The following MYO5B variants were observed in gnomAD, a reference collection of about 807,000 sequenced individuals.
MYO5B encodes the protein myosin VB, also known as unconventional myosin-Vb.
In MYO5B, 143 loss-of-function variants were observed where a neutral mutation model predicts 229.3. The observed-to-expected ratio is 0.62, with a 90% CI of 0.54 to 0.72. MYO5B has a LOEUF of 0.72. Ranked by LOEUF, MYO5B falls within the 30% of genes least tolerant of loss-of-function variation. The pLI, the probability that MYO5B is intolerant of heterozygous loss-of-function variation, is 0.00. For missense variants in MYO5B, 2,321 were observed against 2,331.0 expected, an observed-to-expected ratio of 1.00 and a Z score of 0.09; for synonymous variants, 918 against 885.2, an observed-to-expected ratio of 1.04 and a Z score of -0.66.
At chr18:49,838,976 T>G (rs991235205) in intron 36 of MYO5B, among the ~76,000 whole-genome samples, 168 bp downstream of exon 36, 1 of 152,234 alleles carries the variant, frequency 6.6e-6, no homozygotes, top group Non-Finnish European at 1.5e-5. Context: ...TTTCACAGCT[T>G]TTTAAGCATG....
chr18:49,839,163 G>T lies in MYO5B; in HGVS notation c.4833C>A (p.Gly1611=). The change falls in exon 36 of 40, where the codon GGC becomes GGA. Residue 1611 remains glycine (G), a synonymous_variant. Coordinates refer to ENST00000285039, the MANE Select transcript of MYO5B (RefSeq NM_001080467.3). The stretch of plus-strand genomic sequence containing the variant: ...GCTTACCTATCATCGGCTGTAACAC[G>T]CCCTCGGCAATTTTAATGAGCTGCT... The part of the protein sequence containing the change: ...IYQQLIKIAE[G]VLQPMIVSAM... 1.2e-6 allele frequency: 2 copies of T among 1,613,734 alleles called. No homozygotes were observed. The highest frequency in any genetic ancestry group is 1.7e-6 in the Non-Finnish European group (2 of 1,180,016).
At chr18:49,877,324 G>A (rs2024537269) in intron 25 of MYO5B, among the ~76,000 whole-genome samples, 1 of 152,050 alleles carries the variant, frequency 6.6e-6, no homozygotes, top group African/African-American at 2.4e-5. Context: ...ATTTTTTGTT[G>A]TTCTGAGTTT....
chr18:49,910,220 T>C (rs1166474864), intron 18 of MYO5B, among the ~76,000 whole-genome samples: 3 of 152,152 alleles, frequency 2.0e-5, no homozygotes, highest in African/African-American at 7.2e-5. Context: ...TCCCATTAAC[T>C]GGAGGAGAGC....
intron 1 of MYO5B, among the ~76,000 whole-genome samples, chr18:50,177,119 A>G (rs904382579): frequency 6.6e-6 from 1 of 151,872 alleles, no homozygotes; most frequent in African/African-American, 2.4e-5. Flanking sequence ...ATAAATCAGG[A>G]TAACCCTAAT....
intron 1 of MYO5B, among the ~76,000 whole-genome samples, chr18:50,112,282 C>T (rs1279804116): frequency 6.6e-6 from 1 of 152,170 alleles, no homozygotes; most frequent in Non-Finnish European, 1.5e-5. Context: ...CTGTAGCGAA[C>T]CAACAAAGCA....
chr18:49,933,601 T>G (rs2025217972), intron 16 of MYO5B, among the ~76,000 whole-genome samples: 1 of 152,230 alleles, frequency 6.6e-6, no homozygotes, highest in Admixed American at 6.5e-5. Flanking sequence ...AAAAACATTT[T>G]TAGCTGTCAC....
rs374008976 is a variant in MYO5B at position 50,072,523 on chromosome 18, G to A, written c.28-17145C>T. Among the ~76,000 whole-genome samples, 28 of 152,226 alleles carry A rather than the reference G, an allele frequency of 1.8e-4. No homozygotes were observed. In the South Asian group the frequency reaches 5.2e-3, roughly 28 times the overall value. ...GTCCTGGGATAAACTGCTGGCCCAC[G>A]TCCTTCCTCAGTTTCCTCATTTGTA... On this transcript the variant is annotated intron_variant, in intron 1 of 39. Coordinates refer to ENST00000285039, the MANE Select transcript of MYO5B (RefSeq NM_001080467.3).
chr18:49,856,917 G>GT, intron 29 of MYO5B, 27 bp from the exon 30 acceptor site: 1 of 1,577,578 alleles, frequency 6.3e-7, no homozygotes, highest in Non-Finnish European at 8.7e-7. Context: ...GAAAAACAGG[G>GT]TGTCCAGTGT....
intron 1 of MYO5B, among the ~76,000 whole-genome samples, chr18:50,089,090 A>G (rs1415164350): frequency 2.0e-5 from 3 of 152,180 alleles, no homozygotes; most frequent in African/African-American, 7.2e-5. Context: ...CTCAAGTTAT[A>G]GGAACCTGGC....
At position 50,170,977 on chromosome 18, in the gene MYO5B, G is replaced by A. The variant is rs145418537; in HGVS notation, c.27+23790C>T. Among the ~76,000 whole-genome samples the A allele has an allele frequency of 2.0e-4, 25 of 127,418 alleles. 8 individuals carry two copies. Among genetic ancestry groups the A allele is most frequent in the African/African-American group, 6.2e-4 (21 of 33,706 alleles). The allele number at this position is 127,418 out of a possible 152,430, so 83.6% of individuals were successfully genotyped here. A position where few individuals can be genotyped will look rare whatever the true frequency, so the allele number is the denominator to read the frequency against. On this transcript the variant is annotated intron_variant, in intron 1 of 39. Transcript: ENST00000285039. Reference sequence around the variant, plus strand: ...AAGAGCTGCAAAATCCCGTTACCCCGTGGTGAACCCACACCTGCCTCCCTG... The same window carrying A: ...AAGAGCTGCAAAATCCCGTTACCCCATGGTGAACCCACACCTGCCTCCCTG...
At chr18:49,914,232 G>A (rs1284260861) in intron 17 of MYO5B, among the ~76,000 whole-genome samples, 1 of 152,102 alleles carries the variant, frequency 6.6e-6, no homozygotes, top group Non-Finnish European at 1.5e-5. Flanking sequence ...AGCCCAAAAG[G>A]GCTTGTGCCG....
At position 50,195,068 on chromosome 18, in the gene MYO5B, T is replaced by C. The variant is rs1354050644; in HGVS notation, c.-275A>G. On this transcript the variant is annotated 5_prime_UTR_variant, in exon 1 of 40. Coordinates refer to ENST00000285039, the MANE Select transcript of MYO5B (RefSeq NM_001080467.3). ...CGCGCCGCACCACTCCCCTCCCAGG[T>C]GTGGGGAGGAGGCGAGGGCCGGCGA... is the stretch of plus-strand genomic sequence containing the variant. 1 of 314,042 alleles carries C rather than the reference T, an allele frequency of 3.2e-6. No homozygotes were observed. Among genetic ancestry groups the C allele is most frequent in the East Asian group, 5.0e-5 (1 of 19,914 alleles). 19.5% of individuals were successfully genotyped at this position (314,042 alleles called of 1,614,324 possible).
At chr18:50,130,101 C>T (rs897715275) in intron 1 of MYO5B, among the ~76,000 whole-genome samples, 1 of 152,214 alleles carries the variant, frequency 6.6e-6, no homozygotes, top group Admixed American at 6.5e-5. Flanking sequence ...GATGCAACCA[C>T]AGCAAGGCTG....
chr18:49,871,728 C>T (rs969342442), intron 27 of MYO5B: 5 of 250,096 alleles, frequency 2.0e-5, no homozygotes, highest in Non-Finnish European at 3.1e-5. Context: ...CACATTACCA[C>T]GTCTTTGAGG....
chr18:50,173,905 AG>A (rs1251785757), intron 1 of MYO5B, among the ~76,000 whole-genome samples: 2 of 152,194 alleles, frequency 1.3e-5, no homozygotes, highest in Non-Finnish European at 2.9e-5. Flanking sequence ...ACTGAGCCAA[AG>A]GATGTCCAGA....
At position 49,826,437 on chromosome 18, in the gene MYO5B, T is replaced by C. The variant is rs575795773; in HGVS notation, c.*34A>G. ...TGTATATACTTCCTTCTTGCTCACA[T>C]TGGGAATCAAACTAATGCTGGAAAC... is the stretch of plus-strand genomic sequence containing the variant. On this transcript the variant is annotated 3_prime_UTR_variant, in exon 40 of 40. Coordinates refer to ENST00000285039, the MANE Select transcript of MYO5B (RefSeq NM_001080467.3). 9.3e-6 allele frequency: 15 copies of C among 1,612,188 alleles called. No individual in the cohort carries two copies. Among genetic ancestry groups the C allele is most frequent in the African/African-American group, 5.3e-5 (4 of 75,012 alleles).
intron 17 of MYO5B, among the ~76,000 whole-genome samples, chr18:49,919,085 C>A (rs888783529): frequency 3.3e-5 from 5 of 152,202 alleles, no homozygotes; most frequent in African/African-American, 1.2e-4. Flanking sequence ...GTCTACCTTG[C>A]CTTCCTCAAT....
chr18:50,192,693 C>G (rs753880079), intron 1 of MYO5B, among the ~76,000 whole-genome samples: 5 of 152,180 alleles, frequency 3.3e-5, no homozygotes, highest in African/African-American at 4.8e-5. Flanking sequence ...CCTCACAGTC[C>G]TGATTTGGCT....
chr18:50,148,615 T>C (rs954612754), intron 1 of MYO5B, among the ~76,000 whole-genome samples: 42 of 151,970 alleles, frequency 2.8e-4, no homozygotes, highest in East Asian at 2.1e-3. Context: ...GCAGAAAAGG[T>C]CTTTGACAAA....
Sources: allele counts gnomAD v4.1 joint callset (sites outside exome capture counted in the v4.1 genomes callset), GRCh38; gene constraint gnomAD v4.1.1; transcripts MANE v1.5; gene names NCBI Gene and HGNC (gene_info 2026-07-23, HGNC 2026-07-21).